Variants in C1orf87 observed in about 807,000 individuals in gnomAD.
The protein encoded by C1orf87 is chromosome 1 open reading frame 87, also known as uncharacterized protein C1orf87.
A neutral mutation model predicts 60.5 loss-of-function variants in C1orf87; 58 were observed. The observed-to-expected ratio is 0.96, with a 90% CI of 0.78 to 1.19. The LOEUF (loss-of-function observed/expected upper bound fraction) is 1.19. C1orf87 is among the 50% of genes most tolerant of loss of function. The probability of loss-of-function intolerance (pLI) is 0.00; values close to 1 mark genes in which losing one functional copy is unlikely to be tolerated. For missense variants in C1orf87, 673 were observed against 638.6 expected, an observed-to-expected ratio of 1.05 and a Z score of -0.58; for synonymous variants, 236 against 227.4, an observed-to-expected ratio of 1.04 and a Z score of -0.34.
intron 3 of C1orf87, among the ~76,000 whole-genome samples, chr1:60,046,443 C>CTTTT (rs36104052): frequency 2.8e-5 from 3 of 106,980 alleles, no homozygotes; most frequent in African/African-American, 1.1e-4. Flanking sequence ...CCTTCTTCTT[C>CTTTT]TTTTTTTTTT....
At chr1:60,064,026 A>G (rs1227576848) in intron 2 of C1orf87, among the ~76,000 whole-genome samples, 1 of 151,920 alleles carries the variant, frequency 6.6e-6, no homozygotes, top group African/African-American at 2.4e-5. Flanking sequence ...GCCAGTGCAG[A>G]TAGAATATAG....
At chr1:60,015,873 T>C (rs2100263925) in intron 8 of C1orf87, among the ~76,000 whole-genome samples, 1 of 152,280 alleles carries the variant, frequency 6.6e-6, no homozygotes, top group Admixed American at 6.5e-5. Flanking sequence ...TGCTTCAGCC[T>C]CCAGAGTAGC....
chr1:59,995,782 C>G (rs1644959602), intron 11 of C1orf87, among the ~76,000 whole-genome samples: 1 of 152,210 alleles, frequency 6.6e-6, no homozygotes. Context: ...CCTCAGCCTC[C>G]CAAAGTGCTG....
chr1:60,004,433 C>A (rs202092241), intron 9 of C1orf87, among the ~76,000 whole-genome samples: 2 of 151,972 alleles, frequency 1.3e-5, no homozygotes, highest in South Asian at 4.1e-4. Context: ...ATTATGATGT[C>A]CCAGACATTT....
intron 6 of C1orf87, among the ~76,000 whole-genome samples, chr1:60,036,974 A>G (rs1326265594): frequency 6.6e-6 from 1 of 152,218 alleles, no homozygotes; most frequent in African/African-American, 2.4e-5. Flanking sequence ...TTCTTATTTC[A>G]TAATGAGGTT....
At chr1:60,031,097 A>C (rs1347319596) in intron 7 of C1orf87, among the ~76,000 whole-genome samples, 2 of 152,144 alleles carry the variant, frequency 1.3e-5, no homozygotes, top group Admixed American at 6.6e-5. Context: ...ACCCAAAGGA[A>C]ATTCAGAGCT....
Position 60,041,139 on chromosome 1 carries a change from G to A in C1orf87, c.343-8C>T, listed in dbSNP as rs368525700. Reference sequence around the variant, plus strand: ...ATTTGCTTGACTGGGAATCTTAACAGAACAAGGACAAAGGGAAGCAAGGAG... The same window carrying A: ...ATTTGCTTGACTGGGAATCTTAACAAAACAAGGACAAAGGGAAGCAAGGAG... On this transcript the variant is annotated splice_region_variant and splice_polypyrimidine_tract_variant and intron_variant, in intron 3 of 11. Transcript: ENST00000371201. 3.9e-6 allele frequency: 6 copies of A among 1,553,820 alleles called. No homozygotes were observed. The African/African-American group carries it at 8.1e-5, about 21-fold the overall frequency.
chr1:60,006,919 C>CTT (rs112399680), intron 9 of C1orf87, among the ~76,000 whole-genome samples: 22,496 of 149,850 alleles, frequency 0.15, 1,748 homozygotes, highest in Non-Finnish European at 0.18. Context: ...CTCTTGCATA[C>CTT]TTTTTTTTTT....
chr1:60,011,521 A>G (rs924808268), intron 8 of C1orf87, among the ~76,000 whole-genome samples: 3 of 151,324 alleles, frequency 2.0e-5, no homozygotes, highest in African/African-American at 7.3e-5. Context: ...TTTTTCTCCA[A>G]TTTTGTGTTA....
At chr1:59,998,579 C>A (rs1644979982) in intron 10 of C1orf87, among the ~76,000 whole-genome samples, 1 of 152,150 alleles carries the variant, frequency 6.6e-6, no homozygotes, top group Non-Finnish European at 1.5e-5. Flanking sequence ...GCAGAAATTG[C>A]CCTTCCTGCT....
At chr1:60,059,196 G>A (rs1291488082) in intron 2 of C1orf87, among the ~76,000 whole-genome samples, 1 of 152,164 alleles carries the variant, frequency 6.6e-6, no homozygotes, top group Non-Finnish European at 1.5e-5. Flanking sequence ...TGGTTGTTAT[G>A]TTGTTCACAA....
chr1:60,049,219 G>T (rs1206152898), intron 3 of C1orf87, among the ~76,000 whole-genome samples: 1 of 151,946 alleles, frequency 6.6e-6, no homozygotes, highest in African/African-American at 2.4e-5. Flanking sequence ...CAGTGTATCT[G>T]TTTCCCCATA....
At chr1:60,021,125 T>C (rs1197090925) in intron 8 of C1orf87, among the ~76,000 whole-genome samples, 3 of 152,210 alleles carry the variant, frequency 2.0e-5, no homozygotes, top group Non-Finnish European at 4.4e-5. Flanking sequence ...GTAAGTTTCC[T>C]GAGGCCTCCC....
At chr1:60,056,703 T>G (rs1376228577) in intron 2 of C1orf87, among the ~76,000 whole-genome samples, 1 of 152,236 alleles carries the variant, frequency 6.6e-6, no homozygotes, top group Non-Finnish European at 1.5e-5. Flanking sequence ...TCTATTACAC[T>G]ATATCATGTC....
intron 2 of C1orf87, among the ~76,000 whole-genome samples, chr1:60,069,676 TG>T (rs1246214170): frequency 6.6e-6 from 1 of 152,192 alleles, no homozygotes; most frequent in Non-Finnish European, 1.5e-5. Flanking sequence ...ATAACAAACC[TG>T]GAACTTCAGG....
At chr1:60,016,116 G>A (rs1195972867) in intron 8 of C1orf87, among the ~76,000 whole-genome samples, 1 of 152,168 alleles carries the variant, frequency 6.6e-6, no homozygotes, top group Non-Finnish European at 1.5e-5. Flanking sequence ...TAAAACATCA[G>A]TATGTGAACT....
intron 11 of C1orf87, among the ~76,000 whole-genome samples, chr1:59,991,173 A>G (rs1644919619): frequency 1.3e-5 from 2 of 152,218 alleles, no homozygotes; most frequent in South Asian, 4.1e-4. Context: ...AGCAAAAGTA[A>G]CTTCTAATTG....
chr1:60,044,179 G>A (rs1007737636), intron 3 of C1orf87, among the ~76,000 whole-genome samples: 10 of 152,118 alleles, frequency 6.6e-5, no homozygotes, highest in East Asian at 3.9e-4. Flanking sequence ...ACAGGCGCCC[G>A]CCACCATGCC....
chr1:60,029,329 G>C (rs1645220632), intron 7 of C1orf87, among the ~76,000 whole-genome samples: 2 of 152,034 alleles, frequency 1.3e-5, no homozygotes, highest in Non-Finnish European at 1.5e-5. Flanking sequence ...CTTCTAAAAG[G>C]TCTCTCTGCC....
Sources: gnomAD v4.1 joint callset for allele counts (sites outside exome capture counted in the v4.1 genomes callset) on GRCh38, gnomAD v4.1.1 for gene constraint, MANE v1.5 for transcripts, NCBI Gene and HGNC (gene_info 2026-07-23, HGNC 2026-07-21) for gene names.